TMEM232: variants seen among roughly 807,000 people sequenced by gnomAD.
TMEM232 encodes transmembrane protein 232.
A neutral mutation model predicts 78.8 loss-of-function variants in TMEM232; 80 were observed. That is an observed-to-expected ratio of 1.01 (90% CI 0.85 to 1.22). TMEM232 has a LOEUF of 1.22. Among genes scored for constraint, TMEM232 ranks in the 50% most tolerant of loss-of-function variants. The probability of loss-of-function intolerance (pLI) is 0.00; values close to 1 mark genes in which losing one functional copy is unlikely to be tolerated. For missense variants in TMEM232, 881 were observed against 742.2 expected (o/e 1.19, Z -2.17); for synonymous variants, 297 against 254.3 (o/e 1.17, Z -1.60).
chr5:110,657,460 A>G (rs772192118), intron 2 of TMEM232, among the ~76,000 whole-genome samples: 5 of 152,016 alleles, frequency 3.3e-5, no homozygotes, highest in Non-Finnish European at 5.9e-5. Context: ...CATTTGCAGT[A>G]ACATGAATGA....
At chr5:110,697,684 GAC>G (rs1241192461) in intron 1 of TMEM232, among the ~76,000 whole-genome samples, 1 of 152,088 alleles carries the variant, frequency 6.6e-6, no homozygotes, top group African/African-American at 2.4e-5. Context: ...TGCAGCAACA[GAC>G]ACATAAAAAA....
chr5:110,640,253 A>C (rs1218490800), intron 4 of TMEM232, among the ~76,000 whole-genome samples: 1 of 152,184 alleles, frequency 6.6e-6, no homozygotes, highest in Non-Finnish European at 1.5e-5. Context: ...TTGCTTGAAA[A>C]TTCCCAGATA....
intron 7 of TMEM232, among the ~76,000 whole-genome samples, chr5:110,622,406 C>T (rs767982086): frequency 3.5e-4 from 53 of 152,186 alleles, no homozygotes; most frequent in Non-Finnish European, 6.0e-4. Flanking sequence ...CTCCAAAGAA[C>T]TATTATTACT....
At chr5:110,731,405 C>T (rs867058342), upstream of TMEM232, among the ~76,000 whole-genome samples, 1 of 152,246 alleles carries the variant, frequency 6.6e-6, no homozygotes, top group Non-Finnish European at 1.5e-5. Flanking sequence ...TCTTGCCCCA[C>T]CTTTCCCTTC....
At chr5:110,575,848 C>T (rs1185036036) in intron 10 of TMEM232, among the ~76,000 whole-genome samples, 2 of 151,974 alleles carry the variant, frequency 1.3e-5, no homozygotes, top group Non-Finnish European at 2.9e-5. Context: ...CAGTCTGACA[C>T]AGGGTTATGT....
intron 12 of TMEM232, among the ~76,000 whole-genome samples, chr5:110,506,623 A>G (rs1580981821): frequency 6.6e-6 from 1 of 152,166 alleles, no homozygotes; most frequent in Admixed American, 6.5e-5. Flanking sequence ...ATTCTCATTC[A>G]TGCTGTAACA....
At chr5:110,584,454 T>G (rs1470106436) in intron 10 of TMEM232, among the ~76,000 whole-genome samples, 1 of 152,092 alleles carries the variant, frequency 6.6e-6, no homozygotes, top group African/African-American at 2.4e-5. Context: ...ATAGTTAAGC[T>G]GCCCGAGGCA....
At chr5:110,614,372 T>C (rs2149873317) in intron 8 of TMEM232, among the ~76,000 whole-genome samples, 1 of 152,210 alleles carries the variant, frequency 6.6e-6, no homozygotes, top group Non-Finnish European at 1.5e-5. Flanking sequence ...CCTAATAAAC[T>C]TGGCCTCAGT....
At chr5:110,696,715 T>A (rs914230612) in intron 1 of TMEM232, among the ~76,000 whole-genome samples, 2 of 152,036 alleles carry the variant, frequency 1.3e-5, no homozygotes, top group African/African-American at 4.8e-5. Context: ...TCAAAGAGAA[T>A]AAAATACCTA....
chr5:110,676,162 T>A (rs150664967), intron 1 of TMEM232, among the ~76,000 whole-genome samples: 162 of 152,348 alleles, frequency 1.1e-3, no homozygotes, highest in Non-Finnish European at 1.8e-3. Flanking sequence ...TTGTTATGCA[T>A]TCCTCCATCA....
In TMEM232 at chr5:110,432,058, A is replaced by G. The variant is rs546815778; in HGVS notation, c.1704-7142T>C. ...GTAAGTGAAGTCCAGATGCAACCAC[A>G]TAGAATAGTTTGGACACAAAATATT... is the stretch of plus-strand genomic sequence containing the variant. On this transcript the variant is annotated intron_variant, in intron 12 of 13. Coordinates refer to ENST00000455884, the MANE Select transcript of TMEM232 (RefSeq NM_001039763.4). Among the ~76,000 whole-genome samples, 3 of 151,864 alleles carry G rather than the reference A, an allele frequency of 2.0e-5. No homozygotes were observed. In the South Asian group the frequency reaches 6.2e-4, roughly 31 times the overall value.
Position 110,627,880 on chromosome 5 carries a change from T to C in TMEM232, c.502A>G (p.Ile168Val). ...LYSVEIKLAK[I>V]GYLVFLRLFI... ...AGTCGTAAGAAGACCAAATAGCCAA[T>C]CTGTCAAAAGAGAAAAGAAAAATAC... Residue 168 changes from isoleucine (I) to valine (V), a missense_variant and splice_region_variant, in exon 6 of 14, where the codon ATT becomes GTT. Physicochemically the swap from Ile to Val is conservative, Grantham distance 29. Coordinates refer to ENST00000455884, the MANE Select transcript of TMEM232 (RefSeq NM_001039763.4). The C allele has an allele frequency of 1.3e-6, 2 of 1,517,028 alleles. No homozygotes were observed. The highest frequency in any genetic ancestry group is 1.8e-6 in the Non-Finnish European group (2 of 1,132,928). 94.0% of individuals were successfully genotyped at this position (1,517,028 alleles called of 1,614,324 possible).
chr5:110,589,495 T>C (rs936004007), intron 10 of TMEM232, among the ~76,000 whole-genome samples: 1 of 152,176 alleles, frequency 6.6e-6, no homozygotes, highest in Non-Finnish European at 1.5e-5. Flanking sequence ...TAAAATTTCA[T>C]TGAATGGACC....
Position 110,618,551 on chromosome 5 carries a change from T to C in TMEM232, c.780A>G (p.Glu260=). The C allele has an allele frequency of 2.6e-6, 4 of 1,547,626 alleles. No homozygotes were observed. Among genetic ancestry groups the C allele is most frequent in the Non-Finnish European group, 3.5e-6 (4 of 1,145,904 alleles). Residue 260 remains glutamate, a synonymous_variant, in exon 8 of 14, where the codon GAA becomes GAG. Coordinates refer to ENST00000455884, the MANE Select transcript of TMEM232 (RefSeq NM_001039763.4). ...ENTDSDMGGY[E]INHLLWHCVA... ...CACAGTGCCAGAGCAGGTGGTTAAT[T>C]TCATATCCTCCCTGATTAAATTGCA...
chr5:110,484,909 T>C (rs1160466567), intron 12 of TMEM232, among the ~76,000 whole-genome samples: 5 of 152,002 alleles, frequency 3.3e-5, no homozygotes, highest in Non-Finnish European at 7.4e-5. Context: ...CTTTCAGCAT[T>C]ATATAAAAGA....
intron 1 of TMEM232, among the ~76,000 whole-genome samples, chr5:110,672,898 T>TATCTATTTAAGATA (rs1791547132): frequency 6.6e-6 from 1 of 152,144 alleles, no homozygotes; most frequent in African/African-American, 2.4e-5. Flanking sequence ...TTAAGATTCG[T>TATCTATTTAAGATA]TTTCCAGGTA....
intron 12 of TMEM232, among the ~76,000 whole-genome samples, chr5:110,471,572 G>A (rs1481357032): frequency 2.6e-5 from 4 of 151,640 alleles, no homozygotes; most frequent in Non-Finnish European, 5.9e-5. Context: ...AGCAGACACT[G>A]TGTAGTCCAG....
At chr5:110,456,184 T>G (rs994751084) in intron 12 of TMEM232, among the ~76,000 whole-genome samples, 2 of 152,166 alleles carry the variant, frequency 1.3e-5, no homozygotes, top group Admixed American at 6.5e-5. Flanking sequence ...ATGAGGTTAG[T>G]TAGGTACATT....
intron 12 of TMEM232, among the ~76,000 whole-genome samples, chr5:110,460,106 T>C (rs1056381773): frequency 1.3e-5 from 2 of 152,236 alleles, no homozygotes; most frequent in East Asian, 1.9e-4. Flanking sequence ...TTGAAGACAA[T>C]TGAAAAAAAC....
Sources: gnomAD v4.1 joint callset for allele counts (sites outside exome capture counted in the v4.1 genomes callset) on GRCh38, gnomAD v4.1.1 for gene constraint, MANE v1.5 for transcripts, NCBI Gene and HGNC (gene_info 2026-07-23, HGNC 2026-07-21) for gene names.